YBX2: variants seen among roughly 807,000 people sequenced by gnomAD.
YBX2 encodes the protein Y-box-binding protein 2.
Under a neutral mutation model 44.4 loss-of-function variants are expected in YBX2, and 5 were observed. The ratio of observed to expected loss-of-function variants is 0.11; its 90% CI spans 0.06 to 0.24. The LOEUF is 0.24. Among genes scored for constraint, YBX2 ranks in the 10% least tolerant of loss-of-function variants. The pLI is 1.00. For missense variants in YBX2, 417 were observed against 526.9 expected (o/e 0.79, Z 2.04); for synonymous variants, 188 against 216.1 (o/e 0.87, Z 1.14).
chr17:7,293,689 G>T, intron 1 of YBX2, 151 bp from the exon 2 acceptor site: 1 of 1,460,670 alleles, frequency 6.8e-7, no homozygotes, highest in African/African-American at 1.4e-5. Flanking sequence ...TTCACTAGTA[G>T]CTTCAAGGTA....
At position 7,291,560 on chromosome 17, in the gene YBX2, A is replaced by C; in HGVS notation, c.370-378T>G. 1 of 392,072 alleles carries C rather than the reference A, an allele frequency of 2.6e-6. No homozygotes were observed. The highest frequency in any genetic ancestry group is 2.2e-5 in the South Asian group (1 of 45,890). 24.3% of individuals were successfully genotyped at this position (392,072 alleles called of 1,614,324 possible). A position where few individuals can be genotyped will look rare whatever the true frequency, so the allele number is the denominator to read the frequency against. ...AGTCCCAGTGAGAGCTCTTTCCACC[A>C]AGCAGTGGTTCTCAAGCTGTAGCGT... On this transcript the variant is annotated intron_variant, in intron 3 of 8. Transcript: ENST00000007699. The surrounding 1 kb of genome is among the most constrained non-coding windows in gnomAD (Gnocchi z 5.8).
chr17:7,289,717 C>G lies in YBX2; in HGVS notation c.857G>C (p.Arg286Pro). 6.3e-7 allele frequency: 1 copy of G among 1,587,660 alleles called. No individual in the cohort carries two copies. ...RFRPRYRRPF[R>P]PRPRQQPTTE... ...GGTAGGCTGCTGGCGTGGCCTGGGG[C>G]GGAAAGGCCTAAGGCAAGGAACAAG... Residue 286 changes from arginine to proline, a missense_variant, in exon 7 of 9, where the codon CGC becomes CCC. This residue lies in a region of YBX2 where 257 missense variants were observed against 261.7 expected (regional missense o/e 0.98). Coordinates refer to ENST00000007699, the MANE Select transcript of YBX2 (RefSeq NM_015982.4).
At chr17:7,293,419 C>G in intron 2 of YBX2, 56 bp downstream of exon 2, 1 of 1,612,288 alleles carries the variant, frequency 6.2e-7, no homozygotes, top group Non-Finnish European at 8.5e-7. Flanking sequence ...GTGTCCAGTC[C>G]CACAGGCCAG....
chr17:7,293,589 G>A (rs752210064), intron 1 of YBX2, 51 bp from the exon 2 acceptor site: 54 of 1,613,544 alleles, frequency 3.3e-5, no homozygotes, highest in Non-Finnish European at 4.3e-5. Flanking sequence ...AAGAGATGGA[G>A]TTGAACTCAG....
Position 7,288,611 on chromosome 17 carries a change from G to A in YBX2, c.*72C>T. On this transcript the variant is annotated 3_prime_UTR_variant, in exon 9 of 9. Transcript: ENST00000007699. The stretch of plus-strand genomic sequence containing the variant: ...GAAAGGGGGAGCAGGGTACTGGGTA[G>A]GGTACAGGTCATTTGGAAAAACTGG... 1.5e-6 allele frequency: 1 copy of A among 667,536 alleles called. No individual in the cohort carries two copies. 41.4% of individuals were successfully genotyped at this position (667,536 alleles called of 1,614,324 possible). A position where few individuals can be genotyped will look rare whatever the true frequency, so the allele number is the denominator to read the frequency against.
intron 2 of YBX2, chr17:7,293,099 T>C (rs1160935205): frequency 6.1e-6 from 2 of 326,702 alleles, no homozygotes; most frequent in Non-Finnish European, 1.2e-5. Context: ...AGTGCTGCCA[T>C]AACAGGAAAT....
rs530300551 is a variant in YBX2 at position 7,294,331 on chromosome 17, G to T, written c.170C>A (p.Thr57Asn). ...GGAASGPAAGTPSAPGSRTPG... is the reference protein window; with the variant it reads ...GGAASGPAAGNPSAPGSRTPG... ...GGTGCGGGAGCCCGGCGCCGAGGGG[G>T]TCCCAGCAGCGGGGCCCGAGGCGGC... The change falls in exon 1 of 9, where the codon ACC (threonine) becomes AAC (asparagine). Residue 57 changes from threonine (T) to asparagine (N), a missense_variant. Around this residue, in one of 3 missense-constraint regions of YBX2, gnomAD observed 121 missense variants for 141.3 expected, o/e 0.86. Transcript: ENST00000007699. This position sits in a 1 kb window ranked among gnomAD's most constrained non-coding sequence, Gnocchi z 4.6. The T allele has an allele frequency of 3.1e-6, 4 of 1,307,400 alleles. No homozygotes were observed. Among genetic ancestry groups the T allele is most frequent in the Non-Finnish European group, 2.9e-6 (3 of 1,035,054 alleles). The allele number at this position is 1,307,400 out of a possible 1,614,324, so 81.0% of individuals were successfully genotyped here. A position where few individuals can be genotyped will look rare whatever the true frequency, so the allele number is the denominator to read the frequency against.
chr17:7,289,475 T>A, intron 7 of YBX2, 55 bp downstream of exon 7: 1 of 1,548,932 alleles, frequency 6.5e-7, no homozygotes, highest in Non-Finnish European at 8.7e-7. Flanking sequence ...AAGGAGCAGG[T>A]GGGGGAGGGA....
intron 1 of YBX2, chr17:7,293,893 TC>T (rs2072519307): frequency 1.9e-6 from 1 of 516,876 alleles, no homozygotes; most frequent in African/African-American, 1.9e-5. Context: ...AATGCAAGGG[TC>T]CCCAGTGCAC....
In YBX2 at chr17:7,294,237, C is replaced by A; in HGVS notation, c.264G>T (p.Pro88=). Residue 88 remains proline (P), a synonymous_variant, in exon 1 of 9, where the codon CCG becomes CCT. Transcript: ENST00000007699. The surrounding 1 kb of genome is among the most constrained non-coding windows in gnomAD (Gnocchi z 4.6). ...TGCGCGCCTGCCCCTCACCCAGCAC[C>A]GGCTTGTCCGCCTGACTCCGGGCCG... ...APPARSQADK[P]VLAIQVLGTV... 8.1e-7 allele frequency: 1 copy of A among 1,241,594 alleles called. No individual in the cohort carries two copies. The highest frequency in any genetic ancestry group is 1.0e-6 in the Non-Finnish European group (1 of 995,112). 76.9% of individuals were successfully genotyped at this position (1,241,594 alleles called of 1,614,324 possible).
At position 7,289,637 on chromosome 17, in the gene YBX2, G is replaced by A. The variant is rs145952858; in HGVS notation, c.937C>T (p.Arg313Trp). The change falls in exon 7 of 9, where the codon CGG becomes TGG. Residue 313 changes from arginine to tryptophan, a missense_variant. Physicochemically the swap from Arg to Trp is moderately radical, Grantham distance 101. Around this residue, in one of 3 missense-constraint regions of YBX2, gnomAD observed 257 missense variants for 261.7 expected, o/e 0.98. Coordinates refer to ENST00000007699, the MANE Select transcript of YBX2 (RefSeq NM_015982.4). ...KPSQGPADGS[R>W]PEPQRPRNRP... The stretch of plus-strand genomic sequence containing the variant: ...TTTCGTGGGCGCTGGGGCTCAGGCC[G>A]GGAACCATCAGCGGGACCTTGGCTG... 3.9e-5 allele frequency: 63 copies of A among 1,614,044 alleles called. No homozygotes were observed. Among genetic ancestry groups the A allele is most frequent in the African/African-American group, 2.7e-4 (20 of 75,032 alleles).
At chr17:7,293,081 G>A (rs1024835223) in intron 2 of YBX2, 3 of 303,924 alleles carry the variant, frequency 9.9e-6, no homozygotes, top group Non-Finnish European at 1.9e-5. Context: ...TAAGGGAGTT[G>A]AGTTGTGAGT....
intron 7 of YBX2, 77 bp from the exon 8 acceptor site, chr17:7,288,915 T>C: frequency 6.3e-7 from 1 of 1,575,506 alleles, no homozygotes; most frequent in Non-Finnish European, 8.7e-7. Flanking sequence ...TTGGATGGAG[T>C]ACAGTGGCGT....
At position 7,294,466 on chromosome 17, in the gene YBX2, G is replaced by A. The variant is rs1235803966; in HGVS notation, c.35C>T (p.Ala12Val). 1.4e-6 allele frequency: 2 copies of A among 1,476,352 alleles called. No homozygotes were observed. The highest frequency in any genetic ancestry group is 1.8e-6 in the Non-Finnish European group (2 of 1,116,864). The allele number at this position is 1,476,352 out of a possible 1,614,324, so 91.5% of individuals were successfully genotyped here. ...CGCGGGCACCGTCGCCGCGGGGACCGCTGTAGCCCCCGCTGCCGCCTCCAC... is the reference window on the plus strand; with the variant it reads ...CGCGGGCACCGTCGCCGCGGGGACCACTGTAGCCCCCGCTGCCGCCTCCAC... ...SEVEAAAGAT[A>V]VPAATVPATA... Residue 12 changes from alanine to valine, a missense_variant, in exon 1 of 9, where the codon GCG becomes GTG. Ala to Val is a moderately conservative substitution (Grantham distance 64). This residue lies in a region of YBX2 where 121 missense variants were observed against 141.3 expected (regional missense o/e 0.86). Coordinates refer to ENST00000007699, the MANE Select transcript of YBX2 (RefSeq NM_015982.4). This position sits in a 1 kb window ranked among gnomAD's most constrained non-coding sequence, Gnocchi z 4.6.
In YBX2 at chr17:7,294,069, C is replaced by A; in HGVS notation, c.271+161G>T. ...CCCAGGAAGGTACGGCAGGATTTCC[C>A]ACCAGGGGAATCCACTTTGGTGCGC... On this transcript the variant is annotated intron_variant, in intron 1 of 8. Coordinates refer to ENST00000007699, the MANE Select transcript of YBX2 (RefSeq NM_015982.4). This position sits in a 1 kb window ranked among gnomAD's most constrained non-coding sequence, Gnocchi z 4.6. The A allele has an allele frequency of 1.2e-6, 1 of 850,958 alleles. No individual in the cohort carries two copies. The highest frequency in any genetic ancestry group is 1.6e-6 in the Non-Finnish European group (1 of 636,446). The allele number at this position is 850,958 out of a possible 1,614,324, so 52.7% of individuals were successfully genotyped here.
rs998138767 is a variant in YBX2 at position 7,294,272 on chromosome 17, G to A, written c.229C>T (p.Pro77Ser). Reference sequence around the variant, plus strand: ...GCCTGACTCCGGGCCGGGGGGGCGGGGGTTCCCGAGACCGCCGTCGCCGGA... The same window carrying A: ...GCCTGACTCCGGGCCGGGGGGGCGGAGGTTCCCGAGACCGCCGTCGCCGGA... ...GNPATAVSGT[P>S]APPARSQADK... The change falls in exon 1 of 9, where the codon CCC (proline) becomes TCC (serine). Residue 77 changes from proline (P) to serine (S), a missense_variant. This residue lies in a region of YBX2 where 121 missense variants were observed against 141.3 expected (regional missense o/e 0.86). Coordinates refer to ENST00000007699, the MANE Select transcript of YBX2 (RefSeq NM_015982.4). The surrounding 1 kb of genome is among the most constrained non-coding windows in gnomAD (Gnocchi z 4.6). The A allele has an allele frequency of 2.4e-6, 3 of 1,275,630 alleles. No individual in the cohort carries two copies. The highest frequency in any genetic ancestry group is 4.2e-5 in the Admixed American group (1 of 23,934). The allele number at this position is 1,275,630 out of a possible 1,614,324, so 79.0% of individuals were successfully genotyped here.
intron 8 of YBX2, 24 bp downstream of exon 8, chr17:7,288,725 C>T: frequency 6.2e-7 from 1 of 1,601,776 alleles, no homozygotes; most frequent in Admixed American, 1.7e-5. Flanking sequence ...CCTGGCCACC[C>T]ACCCAACTGC....
In YBX2 at chr17:7,290,347, A is replaced by G. The variant is rs753800065; in HGVS notation, c.648T>C (p.Ser216=). ...GGCACCATCGTCGGGGCCGTTGCCCAGAGTCTTCAGCCCGCTCCCCTTTAC... is the reference window on the plus strand; with the variant it reads ...GGCACCATCGTCGGGGCCGTTGCCCGGAGTCTTCAGCCCGCTCCCCTTTAC... ...PGSKGERAED[S]GQRPRRWCPP... The change falls in exon 5 of 9, where the codon TCT becomes TCC. Residue 216 remains serine (S), a synonymous_variant. Coordinates refer to ENST00000007699, the MANE Select transcript of YBX2 (RefSeq NM_015982.4). The G allele has an allele frequency of 1.7e-5, 27 of 1,613,800 alleles. No homozygotes were observed. The highest frequency in any genetic ancestry group is 2.3e-5 in the Non-Finnish European group (27 of 1,180,008).
At chr17:7,289,352 C>G in intron 7 of YBX2, among the ~76,000 whole-genome samples, 178 bp downstream of exon 7, 1 of 142,626 alleles carries the variant, frequency 7.0e-6, no homozygotes. Flanking sequence ...GTGGGGGCTT[C>G]CTGGTGGGAG....
Sources: gnomAD v4.1 joint callset for allele counts (sites outside exome capture counted in the v4.1 genomes callset) on GRCh38, gnomAD v4.1.1 for gene constraint, gnomAD v4.1.1 regional missense constraint, Gnocchi (gnomAD v3.1) non-coding constraint, MANE v1.5 for transcripts, NCBI Gene and HGNC (gene_info 2026-07-23, HGNC 2026-07-21) for gene names.